RIPOR3: variants seen among roughly 807,000 people sequenced by gnomAD.
The protein encoded by RIPOR3 is family with sequence similarity 65 member C.
A neutral mutation model predicts 114.3 loss-of-function variants in RIPOR3; 95 were observed. That is an observed-to-expected ratio of 0.83 (90% CI 0.70 to 0.99). The LOEUF is 0.99. Among genes scored for constraint, RIPOR3 ranks in the 50% least tolerant of loss-of-function variants. RIPOR3 has a pLI of 0.00. For missense variants in RIPOR3, 1,252 were observed against 1,266.9 expected (o/e 0.99, Z 0.18); for synonymous variants, 575 against 543.8 (o/e 1.06, Z -0.80).
At chr20:50,615,408 TCA>T (rs1259724330) in intron 4 of RIPOR3, among the ~76,000 whole-genome samples, 1 of 150,572 alleles carries the variant, frequency 6.6e-6, no homozygotes, top group Non-Finnish European at 1.5e-5. Flanking sequence ...GCCTATAGTC[TCA>T]GTTACTTGGG....
intron 1 of RIPOR3, among the ~76,000 whole-genome samples, chr20:50,634,966 G>C (rs995470405): frequency 5.9e-5 from 9 of 152,208 alleles, no homozygotes; most frequent in African/African-American, 2.2e-4. Flanking sequence ...CCGGGAGGCA[G>C]AGGTTGCAGT....
intron 1 of RIPOR3, among the ~76,000 whole-genome samples, chr20:50,663,911 TTCTC>T (rs1191441114): frequency 7.1e-6 from 1 of 141,190 alleles, no homozygotes; most frequent in Admixed American, 8.0e-5. Context: ...ATATATTACT[TTCTC>T]TCTCTCTCTC....
chr20:50,608,025 A>T (rs149713962), intron 11 of RIPOR3, among the ~76,000 whole-genome samples: 1 of 152,206 alleles, frequency 6.6e-6, no homozygotes, highest in Non-Finnish European at 1.5e-5. Flanking sequence ...CCAAGGGGGC[A>T]GCCAGGGTCG....
chr20:50,641,914 C>T (rs1163932205), intron 1 of RIPOR3, among the ~76,000 whole-genome samples: 1 of 152,124 alleles, frequency 6.6e-6, no homozygotes, highest in Non-Finnish European at 1.5e-5. Context: ...GGGTCCTGTT[C>T]AGCCCCTACT....
intron 2 of RIPOR3, chr20:50,621,030 G>A (rs1021838582): frequency 6.1e-6 from 3 of 488,410 alleles, no homozygotes; most frequent in Non-Finnish European, 1.2e-5. Flanking sequence ...GAGGAGCCGA[G>A]CCAATGTCCT....
chr20:50,592,370 C>G lies in RIPOR3; in HGVS notation c.2551G>C (p.Val851Leu). 11 of 1,599,430 alleles carry G rather than the reference C, an allele frequency of 6.9e-6. No homozygotes were observed. The highest frequency in any genetic ancestry group is 9.4e-6 in the Non-Finnish European group (11 of 1,170,262). Residue 851 changes from valine to leucine, a missense_variant, in exon 19 of 22, where the codon GTC becomes CTC. Coordinates refer to ENST00000327979, the MANE Select transcript of RIPOR3 (RefSeq NM_001290268.2). Reference protein sequence around the residue: ...RAASARLAGAVRNRSFREKAL... With the variant: ...RAASARLAGALRNRSFREKAL... ...TTTTCCCGGAAGCTTCTGTTCCTGA[C>G]TGCACCAGCCAGGCGAGCGCTGGCC...
intron 1 of RIPOR3, among the ~76,000 whole-genome samples, chr20:50,664,083 C>T (rs781009003): frequency 6.6e-6 from 1 of 152,078 alleles, no homozygotes; most frequent in Non-Finnish European, 1.5e-5. Context: ...CTCGCCACTA[C>T]ACCTGGCTAA....
At chr20:50,677,582 G>A (rs1421384830) in intron 1 of RIPOR3, among the ~76,000 whole-genome samples, 4 of 151,676 alleles carry the variant, frequency 2.6e-5, no homozygotes, top group African/African-American at 7.3e-5. Context: ...ATGTTGGTTA[G>A]GCTGGTCTCA....
At chr20:50,654,422 G>GTTTTTTT (rs34825514) in intron 1 of RIPOR3, among the ~76,000 whole-genome samples, 3 of 56,074 alleles carry the variant, frequency 5.4e-5, no homozygotes, top group Non-Finnish European at 9.4e-5. Flanking sequence ...AGGAGGCAGA[G>GTTTTTTT]TTTTTTTTTT....
Position 50,676,513 on chromosome 20 carries a change from A to G in RIPOR3, c.3+14613T>C, listed in dbSNP as rs534368472. On this transcript the variant is annotated intron_variant, in intron 1 of 21. Coordinates refer to ENST00000327979, the MANE Select transcript of RIPOR3 (RefSeq NM_001290268.2). ...CTAAAAATACAAAAATTAGCCAGAC[A>G]TGGTGGTGCATGCCTGTGGTCCCAG... 1.6e-4 allele frequency among the ~76,000 whole-genome samples: 24 copies of G among 152,168 alleles called. No individual in the cohort carries two copies. In the South Asian group the frequency reaches 5.0e-3, roughly 32 times the overall value.
At chr20:50,657,914 C>A (rs899331213) in intron 1 of RIPOR3, among the ~76,000 whole-genome samples, 2 of 151,744 alleles carry the variant, frequency 1.3e-5, no homozygotes, top group Non-Finnish European at 2.9e-5. Context: ...CACCACCATG[C>A]CTGGCTAATT....
intron 6 of RIPOR3, among the ~76,000 whole-genome samples, 189 bp from the exon 7 acceptor site, chr20:50,609,911 C>T (rs183687436): frequency 2.0e-3 from 300 of 152,112 alleles, no homozygotes; most frequent in African/African-American, 7.0e-3. Context: ...AGAACATGAA[C>T]CCCCATAGGC....
At chr20:50,615,909 C>A in intron 4 of RIPOR3, 93 bp downstream of exon 4, 2 of 1,229,114 alleles carry the variant, frequency 1.6e-6, no homozygotes, top group Admixed American at 2.2e-5. Context: ...GAGAAAGAGT[C>A]ACACCGTGAC....
intron 2 of RIPOR3, among the ~76,000 whole-genome samples, chr20:50,625,005 C>T (rs1024085879): frequency 2.6e-5 from 4 of 152,004 alleles, no homozygotes; most frequent in African/African-American, 9.7e-5. Flanking sequence ...GTGCTGGCCA[C>T]TGGGTGATGA....
At position 50,587,602 on chromosome 20, in the gene RIPOR3, G is replaced by A. The variant is rs115482134; in HGVS notation, c.2752+200C>T. Among the ~76,000 whole-genome samples, 1,161 of 152,320 alleles carry A rather than the reference G, an allele frequency of 7.6e-3. 13 individuals are homozygous for A. Among genetic ancestry groups the A allele is most frequent in the African/African-American group, 0.026 (1,093 of 41,584 alleles). On this transcript the variant is annotated intron_variant, in intron 21 of 21. Coordinates refer to ENST00000327979, the MANE Select transcript of RIPOR3 (RefSeq NM_001290268.2). ...TCTAAGAAGACAGCGAACACTCCCT[G>A]CCACCCCAGCCATGGAGGAGGCCTG...
intron 1 of RIPOR3, among the ~76,000 whole-genome samples, chr20:50,666,932 G>C (rs137972630): frequency 6.6e-6 from 1 of 152,068 alleles, no homozygotes; most frequent in Admixed American, 6.6e-5. Flanking sequence ...GCTATCTTAC[G>C]GTCTTATGTG....
At chr20:50,667,102 T>C (rs564824069) in intron 1 of RIPOR3, among the ~76,000 whole-genome samples, 13 of 152,188 alleles carry the variant, frequency 8.5e-5, no homozygotes, top group African/African-American at 3.1e-4. Flanking sequence ...ATTTTCTTTT[T>C]AAAGCATCAG....
At chr20:50,603,851 C>T (rs780080501) in intron 12 of RIPOR3, among the ~76,000 whole-genome samples, 13 of 152,208 alleles carry the variant, frequency 8.5e-5, no homozygotes, top group Non-Finnish European at 1.6e-4. Flanking sequence ...CCCATAAGGG[C>T]AGTGCTGTTA....
intron 1 of RIPOR3, among the ~76,000 whole-genome samples, chr20:50,673,479 G>A (rs1361820651): frequency 1.3e-5 from 2 of 152,112 alleles, no homozygotes; most frequent in Non-Finnish European, 2.9e-5. Flanking sequence ...ATCTCTCTCA[G>A]GGGCCTCCAA....
Sources: gnomAD v4.1 joint callset for allele counts (sites outside exome capture counted in the v4.1 genomes callset) on GRCh38, gnomAD v4.1.1 for gene constraint, MANE v1.5 for transcripts, NCBI Gene and HGNC (gene_info 2026-07-23, HGNC 2026-07-21) for gene names.